IL13RA1: variants seen among roughly 807,000 people sequenced by gnomAD.
The protein encoded by IL13RA1 is interleukin-13 receptor subunit alpha-1.
Under a neutral mutation model 33.8 loss-of-function variants are expected in IL13RA1, and 14 were observed. That is an observed-to-expected ratio of 0.41 (90% CI 0.27 to 0.65). The LOEUF (loss-of-function observed/expected upper bound fraction) is 0.65. IL13RA1 is among the 30% of genes least tolerant of loss of function. IL13RA1 has a pLI of 0.28. For synonymous variants in IL13RA1, 116 were observed against 115.7 expected (o/e 1.00, Z -0.02); for missense variants, 313 against 327.0 (o/e 0.96, Z 0.33).
chrX:118,791,416 A>G (rs1483611251), intron 10 of IL13RA1, among the ~76,000 whole-genome samples: 1 of 111,688 alleles, frequency 9.0e-6, no homozygotes, highest in Non-Finnish European at 1.9e-5. Flanking sequence ...AGGTCTCAGC[A>G]AAACAGTTGG....
intron 1 of IL13RA1, among the ~76,000 whole-genome samples, chrX:118,740,798 C>G (rs1204797970): frequency 8.9e-6 from 1 of 111,819 alleles, no homozygotes; most frequent in East Asian, 2.8e-4. Context: ...ACAACAACAA[C>G]AAAAACATGA....
chrX:118,733,625 T>C (rs2017248275), intron 1 of IL13RA1, among the ~76,000 whole-genome samples: 1 of 112,088 alleles, frequency 8.9e-6, no homozygotes, highest in African/African-American at 3.2e-5. Flanking sequence ...ATTTTTTCCA[T>C]GAAATCCAAT....
the IL13RA1 span, among the ~76,000 whole-genome samples, chrX:118,800,664 G>C: frequency 9.0e-6 from 1 of 111,532 alleles, no homozygotes; most frequent in Non-Finnish European, 1.9e-5. Context: ...CGGGACAGTG[G>C]CATGATCACG....
At chrX:118,782,525 T>C (rs1401666535) in intron 10 of IL13RA1, among the ~76,000 whole-genome samples, 1 of 111,476 alleles carries the variant, frequency 9.0e-6, no homozygotes, top group Non-Finnish European at 1.9e-5. Context: ...AGGTGAGGAG[T>C]TGGATTAATA....
intron 6 of IL13RA1, among the ~76,000 whole-genome samples, chrX:118,765,480 GT>G (rs1221702938): frequency 1.8e-5 from 2 of 111,436 alleles, no homozygotes; most frequent in Non-Finnish European, 3.8e-5. Context: ...CACCAATGTT[GT>G]TTCTTATAGC....
downstream of IL13RA1, among the ~76,000 whole-genome samples, chrX:118,798,977 G>A (rs2018048026): frequency 8.9e-6 from 1 of 112,287 alleles, no homozygotes; most frequent in South Asian, 3.6e-4. Flanking sequence ...AGCGGGAACC[G>A]GGGCTGCGTG....
At chrX:118,729,232 C>G (rs897329621) in intron 1 of IL13RA1, among the ~76,000 whole-genome samples, 4 of 111,883 alleles carry the variant, frequency 3.6e-5, no homozygotes, top group African/African-American at 1.3e-4. Context: ...CAGACTCACT[C>G]CCACACACAC....
At chrX:118,767,757 G>A (rs920177378) in intron 8 of IL13RA1, among the ~76,000 whole-genome samples, 1 of 111,326 alleles carries the variant, frequency 9.0e-6, no homozygotes, top group Non-Finnish European at 1.9e-5. Context: ...GTGTGTGGTG[G>A]GGTGGGATAC....
In IL13RA1 at chrX:118,767,036, G is replaced by C. The variant is rs777035341; in HGVS notation, c.1009+60G>C. The C allele has an allele frequency of 8.2e-4, 505 of 612,684 alleles. 1 individual carries two copies. Among genetic ancestry groups the C allele is most frequent in the Non-Finnish European group, 1.1e-3 (446 of 395,829 alleles). The allele number at this position is 612,684 out of a possible 1,213,427, so 50.5% of individuals were successfully genotyped here. ...ACTGATGTATAAAAACTAAGCTGAA[G>C]CAGAAAATAGACTGGGGAAAGGGAC... is the stretch of plus-strand genomic sequence containing the variant. On this transcript the variant is annotated intron_variant, in intron 8 of 10. Coordinates refer to ENST00000371666, the MANE Select transcript of IL13RA1 (RefSeq NM_001560.3).
At chrX:118,760,557 G>A (rs2017579897) in intron 5 of IL13RA1, among the ~76,000 whole-genome samples, 1 of 111,895 alleles carries the variant, frequency 8.9e-6, no homozygotes. Flanking sequence ...CCAGATGCAG[G>A]TCAGAGTTCA....
chrX:118,799,869 G>A, the IL13RA1 span, among the ~76,000 whole-genome samples: 1 of 70,757 alleles, frequency 1.4e-5, no homozygotes, highest in South Asian at 1.0e-3. Context: ...AGGTTTGTGA[G>A]TGCACCAATC....
intron 2 of IL13RA1, among the ~76,000 whole-genome samples, chrX:118,745,115 C>T (rs1471669170): frequency 3.6e-5 from 4 of 111,972 alleles, no homozygotes; most frequent in Non-Finnish European, 7.5e-5. Flanking sequence ...ATGCATCTCT[C>T]AGGGGCTGAT....
chrX:118,769,816 C>A, intron 8 of IL13RA1: 2 of 98,652 alleles, frequency 2.0e-5, no homozygotes, highest in South Asian at 6.2e-4. Flanking sequence ...GCACCACAGC[C>A]GGGGGCGCCC....
rs1163198098 is a variant in IL13RA1 at position 118,747,087 on chromosome X, C to G, written c.362C>G (p.Pro121Arg). The change falls in exon 3 of 11, where the codon CCA becomes CGA. Residue 121 changes from proline (P) to arginine (R), a missense_variant. By Grantham distance (103) the Pro-to-Arg change is moderately radical. Coordinates refer to ENST00000371666, the MANE Select transcript of IL13RA1 (RefSeq NM_001560.3). ...TTGGTTGAAAAATGCATCTCACCCC[C>G]AGAAGGTAACAACTGAAAGCGCTAT... is the stretch of plus-strand genomic sequence containing the variant. ...SILVEKCISP[P>R]EGDPESAVTE... 8.7e-7 allele frequency: 1 copy of G among 1,149,636 alleles called. No homozygotes were observed. Among genetic ancestry groups the G allele is most frequent in the East Asian group, 3.0e-5 (1 of 33,474 alleles). The allele number at this position is 1,149,636 out of a possible 1,213,427, so 94.7% of individuals were successfully genotyped here. A position where few individuals can be genotyped will look rare whatever the true frequency, so the allele number is the denominator to read the frequency against.
chrX:118,755,458 A>G (rs2017520036), intron 4 of IL13RA1, among the ~76,000 whole-genome samples: 1 of 110,105 alleles, frequency 9.1e-6, no homozygotes, highest in Non-Finnish European at 1.9e-5. Context: ...TTTCCTTCTC[A>G]TATCTGCAGT....
At chrX:118,770,848 T>C in intron 8 of IL13RA1, 2 of 270,845 alleles carry the variant, frequency 7.4e-6, no homozygotes, top group Non-Finnish European at 1.4e-5. Flanking sequence ...ATGATGACAA[T>C]GAGGAGGAGG....
chrX:118,757,571 A>G (rs2147380284), intron 4 of IL13RA1, among the ~76,000 whole-genome samples: 1 of 105,707 alleles, frequency 9.5e-6, no homozygotes, highest in South Asian at 4.4e-4. Flanking sequence ...TCTTCCTAGC[A>G]TATGAAATGA....
At chrX:118,804,394 T>TACACACACACAC in the IL13RA1 span, among the ~76,000 whole-genome samples, 88 of 89,710 alleles carry the variant, frequency 9.8e-4, no homozygotes, top group East Asian at 7.7e-3. Context: ...CAGCCATGCA[T>TACACACACACAC]ACACACACAC....
At position 118,727,699 on chromosome X, in the gene IL13RA1, G is replaced by C. The variant is rs1335927850; in HGVS notation, c.61G>C (p.Gly21Arg). 2 of 893,838 alleles carry C rather than the reference G, an allele frequency of 2.2e-6. No individual in the cohort carries two copies. The highest frequency in any genetic ancestry group is 2.8e-6 in the Non-Finnish European group (2 of 722,832). 73.7% of individuals were successfully genotyped at this position (893,838 alleles called of 1,213,427 possible). ...GCTGCTGCTCTGCGCCGGCGGCGGG[G>C]GCGGGGGCGGGGGCGCCGCGCCTAC... Reference protein sequence around the residue: ...WALLLCAGGGGGGGGAAPTET... With the variant: ...WALLLCAGGGRGGGGAAPTET... The change falls in exon 1 of 11, where the codon GGC becomes CGC. Residue 21 changes from glycine (G) to arginine (R), a missense_variant. Physicochemically the swap from Gly to Arg is moderately radical, Grantham distance 125. Transcript: ENST00000371666.
Sources: allele counts gnomAD v4.1 joint callset (sites outside exome capture counted in the v4.1 genomes callset), GRCh38; gene constraint gnomAD v4.1.1; transcripts MANE v1.5; gene names NCBI Gene and HGNC (gene_info 2026-07-23, HGNC 2026-07-21).